Variants in CDH13 observed in about 807,000 individuals in gnomAD.
CDH13 encodes cadherin-13.
Under a neutral mutation model 63.8 loss-of-function variants are expected in CDH13, and 24 were observed. The observed-to-expected ratio is 0.38, with a 90% CI of 0.27 to 0.53. The LOEUF (loss-of-function observed/expected upper bound fraction) is 0.53, where lower values mean the gene tolerates loss of function less well. CDH13 is among the 20% of genes least tolerant of loss of function. The probability of loss-of-function intolerance (pLI) is 0.85; values close to 1 mark genes in which losing one functional copy is unlikely to be tolerated. For synonymous variants in CDH13, 503 were observed against 355.3 expected, an observed-to-expected ratio of 1.42 and a Z score of -4.67; for missense variants, 1,049 against 903.1, an observed-to-expected ratio of 1.16 and a Z score of -2.07.
At chr16:82,648,329 T>C (rs779375478) in intron 1 of CDH13, among the ~76,000 whole-genome samples, 18 of 152,244 alleles carry the variant, frequency 1.2e-4, no homozygotes, top group Non-Finnish European at 2.6e-4. Flanking sequence ...ATATGTTTTA[T>C]GCATTGTATG....
chr16:83,657,114 A>G (rs998336812), intron 8 of CDH13, among the ~76,000 whole-genome samples: 1 of 152,204 alleles, frequency 6.6e-6, no homozygotes, highest in African/African-American at 2.4e-5. Flanking sequence ...TGCATATGTA[A>G]TGGCAAAATG....
At chr16:83,322,742 C>T (rs536015724) in intron 5 of CDH13, among the ~76,000 whole-genome samples, 4 of 152,052 alleles carry the variant, frequency 2.6e-5, no homozygotes, top group South Asian at 2.1e-4. Flanking sequence ...TTTAAAGATT[C>T]ATCCGGTCTA....
chr16:83,341,609 G>A (rs528859336), intron 5 of CDH13, among the ~76,000 whole-genome samples: 7 of 152,272 alleles, frequency 4.6e-5, no homozygotes, highest in East Asian at 1.9e-4. Flanking sequence ...TGGGGATCAA[G>A]CATGATATAC....
At chr16:83,273,315 T>C (rs2088883313) in intron 5 of CDH13, among the ~76,000 whole-genome samples, 1 of 152,130 alleles carries the variant, frequency 6.6e-6, no homozygotes, top group Non-Finnish European at 1.5e-5. Flanking sequence ...GGTAGTTTTT[T>C]TCAATCCTCT....
chr16:83,493,090 A>C (rs775986773), intron 7 of CDH13, among the ~76,000 whole-genome samples: 8 of 152,220 alleles, frequency 5.3e-5, no homozygotes, highest in Admixed American at 1.3e-4. Context: ...CATCTGCCAC[A>C]GTGAGAATAA....
At chr16:83,349,821 G>C (rs1027174227) in intron 6 of CDH13, among the ~76,000 whole-genome samples, 1 of 152,064 alleles carries the variant, frequency 6.6e-6, no homozygotes, top group Admixed American at 6.6e-5. Context: ...GGCTGGTCTT[G>C]AACTCCTGAC....
At chr16:82,950,317 C>T (rs1285463515) in intron 2 of CDH13, among the ~76,000 whole-genome samples, 7 of 152,094 alleles carry the variant, frequency 4.6e-5, no homozygotes, top group African/African-American at 1.7e-4. Flanking sequence ...GCCTCTGAGT[C>T]CAAATCTCCC....
At chr16:82,727,252 C>G (rs1185855532) in intron 1 of CDH13, among the ~76,000 whole-genome samples, 2 of 152,112 alleles carry the variant, frequency 1.3e-5, no homozygotes, top group East Asian at 1.9e-4. Context: ...GGGGGCATCC[C>G]TGTTGTATTT....
intron 6 of CDH13, among the ~76,000 whole-genome samples, chr16:83,463,628 C>G (rs1272762812): frequency 1.3e-5 from 2 of 152,054 alleles, no homozygotes; most frequent in Non-Finnish European, 1.5e-5. Flanking sequence ...TAGTGAGACC[C>G]CCATCATTAT....
chr16:83,588,262 C>G (rs1216715974), intron 7 of CDH13, among the ~76,000 whole-genome samples: 1 of 152,230 alleles, frequency 6.6e-6, no homozygotes, highest in East Asian at 1.9e-4. Context: ...TTTCTAGAGA[C>G]TGATTCAGCC....
chr16:83,484,111 T>C (rs11149572), intron 6 of CDH13, among the ~76,000 whole-genome samples: 73,977 of 151,996 alleles, frequency 0.49, 18,712 homozygotes, highest in East Asian at 0.83. Context: ...AATCCAACCT[T>C]GAGGGTGGCC....
intron 8 of CDH13, among the ~76,000 whole-genome samples, chr16:83,617,693 A>G (rs1909411621): frequency 1.3e-5 from 2 of 151,492 alleles, no homozygotes; most frequent in Admixed American, 6.6e-5. Flanking sequence ...ATATGCACAA[A>G]TCTTAATATC....
intron 5 of CDH13, among the ~76,000 whole-genome samples, chr16:83,277,513 G>A (rs2089030088): frequency 6.6e-6 from 1 of 152,160 alleles, no homozygotes; most frequent in Non-Finnish European, 1.5e-5. Flanking sequence ...TGTGATCAGT[G>A]AGAATCCCTG....
chr16:83,539,016 T>G (rs35008285), intron 7 of CDH13, among the ~76,000 whole-genome samples: 1 of 151,600 alleles, frequency 6.6e-6, no homozygotes, highest in Non-Finnish European at 1.5e-5. Context: ...AAACCAAGAT[T>G]CATTGTAAAT....
chr16:82,945,463 A>C (rs928798040), intron 2 of CDH13, among the ~76,000 whole-genome samples: 1 of 152,232 alleles, frequency 6.6e-6, no homozygotes, highest in African/African-American at 2.4e-5. Context: ...TTTCCCTTAC[A>C]GGGTGCTAAA....
intron 10 of CDH13, among the ~76,000 whole-genome samples, chr16:83,743,337 A>T (rs1488213299): frequency 6.6e-6 from 1 of 152,160 alleles, no homozygotes; most frequent in Non-Finnish European, 1.5e-5. Context: ...TGTCCTGTAA[A>T]ATCACCCAAA....
chr16:83,636,457 C>T (rs1215707560), intron 8 of CDH13, among the ~76,000 whole-genome samples: 1 of 152,016 alleles, frequency 6.6e-6, no homozygotes, highest in Non-Finnish European at 1.5e-5. Flanking sequence ...CTTTTGGAGC[C>T]CCCAGTATCT....
At chr16:83,348,633 G>T (rs969528242) in intron 6 of CDH13, among the ~76,000 whole-genome samples, 1 of 152,218 alleles carries the variant, frequency 6.6e-6, no homozygotes, top group East Asian at 1.9e-4. Context: ...CACAAATTAT[G>T]TGGCTGTTCC....
intron 2 of CDH13, among the ~76,000 whole-genome samples, chr16:82,916,305 G>A (rs190104375): frequency 2.0e-3 from 300 of 152,268 alleles, no homozygotes; most frequent in African/African-American, 6.6e-3. Context: ...GCCGGGTGCC[G>A]TAGCTCACGC....
Sources: gnomAD v4.1 joint callset for allele counts (sites outside exome capture counted in the v4.1 genomes callset) on GRCh38, gnomAD v4.1.1 for gene constraint, MANE v1.5 for transcripts, NCBI Gene and HGNC (gene_info 2026-07-23, HGNC 2026-07-21) for gene names.